The following ATAD2B variants were observed in gnomAD, a reference collection of about 807,000 sequenced individuals.
ATAD2B encodes ATPase family AAA domain containing 2B, also known as ATPase family AAA domain-containing protein 2B.
Under a neutral mutation model 167.6 loss-of-function variants are expected in ATAD2B, and 40 were observed. The observed-to-expected ratio is 0.24, with a 90% CI of 0.19 to 0.31. The LOEUF is 0.31. Ranked by LOEUF, ATAD2B falls within the 10% of genes least tolerant of loss-of-function variation. The pLI is 1.00. For missense variants in ATAD2B, 1,242 were observed against 1,757.2 expected, an observed-to-expected ratio of 0.71 and a Z score of 5.24; for synonymous variants, 579 against 596.5, an observed-to-expected ratio of 0.97 and a Z score of 0.43.
intron 8 of ATAD2B, among the ~76,000 whole-genome samples, chr2:23,873,996 G>A (rs1696398993): frequency 6.6e-6 from 1 of 151,956 alleles, no homozygotes; most frequent in Non-Finnish European, 1.5e-5. Context: ...AGACCAGCCT[G>A]ACCAACATGG....
intron 27 of ATAD2B, among the ~76,000 whole-genome samples, chr2:23,752,594 A>G (rs1303678204): frequency 6.6e-6 from 1 of 152,040 alleles, no homozygotes; most frequent in Non-Finnish European, 1.5e-5. Context: ...AAAGAAACTG[A>G]GGCACAGAGG....
Position 23,826,124 on chromosome 2 carries a change from C to A in ATAD2B, c.1820-2555G>T, listed in dbSNP as rs139918729. ...AAAAAAAACAGATTCCCAAGCCCCA[C>A]AATAAACCCAGTGAATCAGAATCTC... On this transcript the variant is annotated intron_variant, in intron 15 of 27. Coordinates refer to ENST00000238789, the MANE Select transcript of ATAD2B (RefSeq NM_017552.4). Among the ~76,000 whole-genome samples the A allele has an allele frequency of 5.2e-3, 788 of 152,156 alleles. 8 individuals carry two copies. Among genetic ancestry groups the A allele is most frequent in the African/African-American group, 0.018 (734 of 41,538 alleles).
intron 22 of ATAD2B, among the ~76,000 whole-genome samples, chr2:23,776,833 G>T (rs1243617993): frequency 1.3e-5 from 2 of 152,132 alleles, no homozygotes; most frequent in Admixed American, 1.3e-4. Context: ...TTTGATAAGT[G>T]TATTTATCAT....
intron 24 of ATAD2B, among the ~76,000 whole-genome samples, chr2:23,761,693 C>T (rs988065111): frequency 3.3e-5 from 5 of 152,082 alleles, no homozygotes; most frequent in African/African-American, 7.2e-5. Flanking sequence ...TGAATGAGTA[C>T]AAAAAAACTC....
chr2:23,692,440 C>T, the ATAD2B span, among the ~76,000 whole-genome samples: 1 of 152,214 alleles, frequency 6.6e-6, no homozygotes, highest in Non-Finnish European at 1.5e-5. Context: ...TGGGCGACGG[C>T]AAGGTGAGGG....
chr2:23,912,569 T>C (rs1022441284), intron 1 of ATAD2B, among the ~76,000 whole-genome samples: 27 of 151,944 alleles, frequency 1.8e-4, no homozygotes, highest in African/African-American at 6.0e-4. Flanking sequence ...TACTTCTAGA[T>C]AACCAATGGA....
At chr2:23,755,323 A>G (rs1675821175) in intron 25 of ATAD2B, among the ~76,000 whole-genome samples, 1 of 152,188 alleles carries the variant, frequency 6.6e-6, no homozygotes, top group South Asian at 2.1e-4. Context: ...AAACCCATTA[A>G]AAGTGTAATA....
At chr2:23,803,448 G>T (rs946257901) in intron 18 of ATAD2B, among the ~76,000 whole-genome samples, 1 of 152,162 alleles carries the variant, frequency 6.6e-6, no homozygotes, top group Non-Finnish European at 1.5e-5. Flanking sequence ...TAATATCTGA[G>T]ATGCATTTTT....
intron 18 of ATAD2B, 86 bp downstream of exon 18, chr2:23,810,230 C>G: frequency 8.4e-7 from 1 of 1,196,632 alleles, no homozygotes; most frequent in East Asian, 2.4e-5. Flanking sequence ...CTGAAAAAAT[C>G]TTATCTTTAA....
intron 18 of ATAD2B, chr2:23,799,900 C>T (rs1683214295): frequency 6.6e-6 from 1 of 152,118 alleles, no homozygotes; most frequent in Non-Finnish European, 1.5e-5. Context: ...TACAGTACAA[C>T]TCCTTCAGGA....
chr2:23,724,401 TAAAAAATAATAA>T, the ATAD2B span, among the ~76,000 whole-genome samples: 1 of 152,050 alleles, frequency 6.6e-6, no homozygotes, highest in Non-Finnish European at 1.5e-5. Context: ...TATTGTCAAT[TAAAAAATAATAA>T]TAAAAATAAA....
downstream of ATAD2B, among the ~76,000 whole-genome samples, chr2:23,744,819 G>A (rs1170785865): frequency 3.9e-5 from 6 of 152,152 alleles, no homozygotes; most frequent in Non-Finnish European, 8.8e-5. Context: ...GAAAGAAAAC[G>A]AATGGGATTG....
At chr2:23,875,424 C>G (rs1401991491) in intron 8 of ATAD2B, among the ~76,000 whole-genome samples, 1 of 151,940 alleles carries the variant, frequency 6.6e-6, no homozygotes. Context: ...TGCTTGAACC[C>G]AGGAGAAAAG....
chr2:23,742,611 G>A, the ATAD2B span, among the ~76,000 whole-genome samples: 7 of 150,936 alleles, frequency 4.6e-5, no homozygotes, highest in East Asian at 3.9e-4. Flanking sequence ...GATAAATGAC[G>A]AGTTAATGGG....
chr2:23,912,027 T>C (rs1165931350), intron 1 of ATAD2B, among the ~76,000 whole-genome samples: 2 of 149,252 alleles, frequency 1.3e-5, no homozygotes, highest in African/African-American at 4.9e-5. Context: ...TTAGTGAATA[T>C]CTATAATCCT....
At chr2:23,696,446 G>C in the ATAD2B span, 1 of 1,550,892 alleles carries the variant, frequency 6.4e-7, no homozygotes, top group Non-Finnish European at 8.7e-7. This position sits in a 1 kb window ranked among gnomAD's most constrained non-coding sequence, Gnocchi z 5.5. Context: ...CAATAGCCTC[G>C]TCTACGATGG....
Position 23,923,060 on chromosome 2 carries a change from T to C in ATAD2B, c.216+3495A>G, listed in dbSNP as rs552772355. ...ATTTCGACGGACATCTGCACTTCCATGTTCGCAGTAGCATTATTAATAGCT... is the reference window on the plus strand; with the variant it reads ...ATTTCGACGGACATCTGCACTTCCACGTTCGCAGTAGCATTATTAATAGCT... On this transcript the variant is annotated intron_variant, in intron 1 of 27. Transcript: ENST00000238789. Among the ~76,000 whole-genome samples, 10 of 152,340 alleles carry C rather than the reference T, an allele frequency of 6.6e-5. No individual in the cohort carries two copies. The South Asian group carries it at 2.1e-3, about 32-fold the overall frequency.
At position 23,782,897 on chromosome 2, in the gene ATAD2B, T is replaced by C; in HGVS notation, c.3105A>G (p.Leu1035=). The part of the protein sequence containing the change: ...KDIDLICSNA[L]EYNPDKDPGD... ...CTGGGTCCTTATCTGGATTATACTC[T>C]AAAGCATTGCTACAGATGAGGTCAA... is the stretch of plus-strand genomic sequence containing the variant. The change falls in exon 22 of 28, where the codon TTA becomes TTG. Residue 1035 remains leucine, a synonymous_variant. Coordinates refer to ENST00000238789, the MANE Select transcript of ATAD2B (RefSeq NM_017552.4). 6.2e-7 allele frequency: 1 copy of C among 1,612,384 alleles called. No homozygotes were observed. The highest frequency in any genetic ancestry group is 8.5e-7 in the Non-Finnish European group (1 of 1,179,040).
intron 18 of ATAD2B, among the ~76,000 whole-genome samples, chr2:23,807,876 T>TA (rs1319796666): frequency 9.6e-5 from 13 of 135,092 alleles, no homozygotes; most frequent in Non-Finnish European, 3.1e-5. Context: ...ATTTTATATA[T>TA]AAAAAATAAA....
Sources: gnomAD v4.1 joint callset for allele counts (sites outside exome capture counted in the v4.1 genomes callset) on GRCh38, gnomAD v4.1.1 for gene constraint, Gnocchi (gnomAD v3.1) non-coding constraint, MANE v1.5 for transcripts, NCBI Gene and HGNC (gene_info 2026-07-23, HGNC 2026-07-21) for gene names.